FTO: variants seen among roughly 807,000 people sequenced by gnomAD.
FTO encodes the protein alpha-ketoglutarate-dependent dioxygenase FTO.
A neutral mutation model predicts 63.9 loss-of-function variants in FTO; 47 were observed. That is an observed-to-expected ratio of 0.74 (90% CI 0.58 to 0.94). The LOEUF (loss-of-function observed/expected upper bound fraction) is 0.94. Ranked by LOEUF, FTO falls within the 40% of genes least tolerant of loss-of-function variation. The pLI is 0.00. For missense variants in FTO, 562 were observed against 618.1 expected (o/e 0.91, Z 0.96); for synonymous variants, 207 against 224.4 (o/e 0.92, Z 0.69).
intron 8 of FTO, among the ~76,000 whole-genome samples, chr16:53,999,359 G>T (rs1019036542): frequency 7.9e-5 from 12 of 152,188 alleles, no homozygotes; most frequent in Non-Finnish European, 1.3e-4. Context: ...CCCAGCAGAG[G>T]AACGGGGAAG....
At chr16:53,887,103 T>C (rs143372935) in intron 6 of FTO, 1 of 152,334 alleles carries the variant, frequency 6.6e-6, no homozygotes, top group African/African-American at 2.4e-5. Context: ...TTATTTTAGT[T>C]GCAAGGGGCA....
At chr16:53,856,071 C>T (rs2079981353) in intron 4 of FTO, among the ~76,000 whole-genome samples, 1 of 149,466 alleles carries the variant, frequency 6.7e-6, no homozygotes, top group Non-Finnish European at 1.5e-5. Context: ...GAACATAATT[C>T]CCAAAGGCAT....
At chr16:53,862,853 A>G (rs911877490) in intron 4 of FTO, among the ~76,000 whole-genome samples, 3 of 151,916 alleles carry the variant, frequency 2.0e-5, no homozygotes, top group Non-Finnish European at 2.9e-5. Context: ...CCTGTATTTT[A>G]CTTCCATTCT....
chr16:53,908,302 C>T (rs1186191112), intron 7 of FTO, among the ~76,000 whole-genome samples: 1 of 152,152 alleles, frequency 6.6e-6, no homozygotes, highest in African/African-American at 2.4e-5. Flanking sequence ...AAGCCATTGT[C>T]TAGTTATTAA....
At chr16:54,027,674 G>C (rs1454863783) in intron 8 of FTO, among the ~76,000 whole-genome samples, 2 of 152,146 alleles carry the variant, frequency 1.3e-5, no homozygotes, top group African/African-American at 4.8e-5. Context: ...TGGATGGTAA[G>C]TTGCAAAAAG....
chr16:54,107,949 C>T (rs1410092749), intron 8 of FTO, among the ~76,000 whole-genome samples: 3 of 152,152 alleles, frequency 2.0e-5, no homozygotes, highest in Non-Finnish European at 4.4e-5. Flanking sequence ...CATGTGCCTC[C>T]TCTTAAACCA....
At chr16:54,038,475 C>G (rs1395211107) in intron 8 of FTO, among the ~76,000 whole-genome samples, 1 of 152,182 alleles carries the variant, frequency 6.6e-6, no homozygotes, top group African/African-American at 2.4e-5. Context: ...ATGGCCAAAG[C>G]TGGGGAGAAA....
rs554173764 is a variant in FTO, at chr16:54,076,828, G to A, written c.1365-34934G>A. Among the ~76,000 whole-genome samples, 7 of 152,302 alleles carry A rather than the reference G, an allele frequency of 4.6e-5. No individual in the cohort carries two copies. In the South Asian group the frequency reaches 1.5e-3, roughly 32 times the overall value. On this transcript the variant is annotated intron_variant, in intron 8 of 8. Coordinates refer to ENST00000471389, the MANE Select transcript of FTO (RefSeq NM_001080432.3). ...TTACTGCAGATGAGTAAAGGCATCT[G>A]TGTTAATAATGGATGCTTAGGATTT...
chr16:53,757,011 G>A (rs1008083310), intron 1 of FTO, among the ~76,000 whole-genome samples: 4 of 152,074 alleles, frequency 2.6e-5, no homozygotes, highest in African/African-American at 4.8e-5. Context: ...CAGGAGTCAC[G>A]GTGATGACTT....
intron 1 of FTO, among the ~76,000 whole-genome samples, chr16:53,770,358 TATA>T (rs1338461100): frequency 1.3e-5 from 2 of 152,204 alleles, no homozygotes; most frequent in Non-Finnish European, 1.5e-5. Context: ...GCTGAGAAAT[TATA>T]ATTAGTCATA....
intron 8 of FTO, among the ~76,000 whole-genome samples, chr16:54,010,308 C>T (rs1257924004): frequency 6.6e-6 from 1 of 152,022 alleles, no homozygotes; most frequent in Admixed American, 6.6e-5. Context: ...GCTACTCAGG[C>T]GATGGGAGGA....
rs1418047955 is a variant in FTO at position 53,797,836 on chromosome 16, T to TC, written c.46-12303dup. On this transcript the variant is annotated intron_variant, in intron 1 of 8. Coordinates refer to ENST00000471389, the MANE Select transcript of FTO (RefSeq NM_001080432.3). ...AATTTCATGAAGTTTATCCTTTTTT[T>TC]CTTTTATGGATTTTACTTCTGGGTT... Among the ~76,000 whole-genome samples the TC allele has an allele frequency of 2.6e-5, 4 of 152,244 alleles. No homozygotes were observed. The East Asian group carries it at 5.8e-4, about 22-fold the overall frequency.
chr16:53,837,285 T>TC (rs2151802186), intron 3 of FTO, among the ~76,000 whole-genome samples: 1 of 152,312 alleles, frequency 6.6e-6, no homozygotes, highest in South Asian at 2.1e-4. Flanking sequence ...TTAAATTTTT[T>TC]CCCCAAATGC....
intron 8 of FTO, among the ~76,000 whole-genome samples, chr16:53,961,605 A>G (rs2083082696): frequency 6.6e-6 from 1 of 152,258 alleles, no homozygotes; most frequent in African/African-American, 2.4e-5. Flanking sequence ...AGATGTAGCT[A>G]GCCAGATGCA....
intron 1 of FTO, among the ~76,000 whole-genome samples, chr16:53,706,612 T>A (rs1429903014): frequency 6.6e-6 from 1 of 152,216 alleles, no homozygotes; most frequent in Admixed American, 6.5e-5. Context: ...TTGCCCAAGT[T>A]GGTCTGGAAC....
At chr16:53,969,618 T>C (rs1449936267) in intron 8 of FTO, among the ~76,000 whole-genome samples, 1 of 152,196 alleles carries the variant, frequency 6.6e-6, no homozygotes, top group Admixed American at 6.5e-5. Flanking sequence ...TGCATCTTTA[T>C]GCAATAGATG....
chr16:54,000,822 T>C (rs975484114), intron 8 of FTO, among the ~76,000 whole-genome samples: 4 of 152,232 alleles, frequency 2.6e-5, no homozygotes, highest in Non-Finnish European at 5.9e-5. Flanking sequence ...GTTGGAACCA[T>C]GGGGCATACT....
chr16:54,079,707 C>G (rs7200579), intron 8 of FTO, among the ~76,000 whole-genome samples: 19,976 of 152,118 alleles, frequency 0.13, 2,440 homozygotes, highest in African/African-American at 0.33. Context: ...ACAGAGAGAG[C>G]CTGGACGAGT....
chr16:53,822,257 C>G (rs1321331708), intron 2 of FTO, among the ~76,000 whole-genome samples: 1 of 152,182 alleles, frequency 6.6e-6, no homozygotes, highest in African/African-American at 2.4e-5. Flanking sequence ...AACCCTAGAA[C>G]GTACTCATCT....
Sources: gnomAD v4.1 joint callset for allele counts (sites outside exome capture counted in the v4.1 genomes callset) on GRCh38, gnomAD v4.1.1 for gene constraint, MANE v1.5 for transcripts, NCBI Gene and HGNC (gene_info 2026-07-23, HGNC 2026-07-21) for gene names.